Variants in SCN8A observed in about 807,000 individuals in gnomAD.
SCN8A encodes the protein sodium channel protein type 8 subunit alpha.
Under a neutral mutation model 184.1 loss-of-function variants are expected in SCN8A, and 30 were observed. The ratio of observed to expected loss-of-function variants is 0.16; its 90% CI spans 0.12 to 0.22. The LOEUF (loss-of-function observed/expected upper bound fraction) is 0.22. SCN8A is among the 10% of genes least tolerant of loss of function. The pLI, the probability that SCN8A is intolerant of heterozygous loss-of-function variation, is 1.00. For synonymous variants in SCN8A, 852 were observed against 907.0 expected (o/e 0.94, Z 1.09); for missense variants, 1,057 against 2,498.9 (o/e 0.42, Z 12.30).
chr12:51,722,014 C>A, intron 12 of SCN8A, 106 bp downstream of exon 12: 1 of 1,578,542 alleles, frequency 6.3e-7, no homozygotes, highest in South Asian at 1.1e-5. Flanking sequence ...TCTTTCCCTG[C>A]TCTGCCCATC....
chr12:51,733,826 A>C (rs1942281096), intron 12 of SCN8A, among the ~76,000 whole-genome samples: 1 of 152,160 alleles, frequency 6.6e-6, no homozygotes, highest in Non-Finnish European at 1.5e-5. Context: ...GAATTTATTC[A>C]CTTTCTCTAG....
chr12:51,616,608 CCAAA>C (rs556210320), intron 1 of SCN8A, among the ~76,000 whole-genome samples: 6 of 151,978 alleles, frequency 3.9e-5, no homozygotes, highest in Non-Finnish European at 7.4e-5. Flanking sequence ...GAAACTGTCT[CCAAA>C]CAAACAAACA....
At chr12:51,732,500 A>G (rs1036538557) in intron 12 of SCN8A, among the ~76,000 whole-genome samples, 1 of 152,028 alleles carries the variant, frequency 6.6e-6, no homozygotes, top group Non-Finnish European at 1.5e-5. Flanking sequence ...AAATCAAGTA[A>G]TGTGATTCCT....
In SCN8A at chr12:51,721,644, C is replaced by A. The variant is rs1942064223; in HGVS notation, c.1734C>A (p.Gly578=). The change falls in exon 12 of 27, where the codon GGC becomes GGA. Residue 578 remains glycine (G), a synonymous_variant. Coordinates refer to ENST00000627620, the MANE Select transcript of SCN8A (RefSeq NM_001330260.2). The part of the protein sequence containing the change: ...FRGPGRFRDP[G]SENEFADDEH... ...GACCTGGGCGGTTCCGAGACCCGGG[C>A]TCCGAGAATGAGTTCGCGGATGACG... 1 of 1,611,238 alleles carries A rather than the reference C, an allele frequency of 6.2e-7. No homozygotes were observed. Among genetic ancestry groups the A allele is most frequent in the Non-Finnish European group, 8.5e-7 (1 of 1,178,718 alleles).
At chr12:51,625,455 T>C (rs1592336824) in intron 1 of SCN8A, among the ~76,000 whole-genome samples, 2 of 152,366 alleles carry the variant, frequency 1.3e-5, no homozygotes, top group East Asian at 3.9e-4. Flanking sequence ...TGGATGCTTA[T>C]ACACAAAGCT....
chr12:51,600,316 G>C (rs1311008614), intron 1 of SCN8A, among the ~76,000 whole-genome samples: 1 of 152,030 alleles, frequency 6.6e-6, no homozygotes, highest in African/African-American at 2.4e-5. Flanking sequence ...TTATAGACTT[G>C]GTAAATGACT....
chr12:51,702,705 A>G (rs1941711641), intron 8 of SCN8A, 68 bp from the exon 9 acceptor site: 2 of 1,263,480 alleles, frequency 1.6e-6, no homozygotes, highest in African/African-American at 3.3e-5. Flanking sequence ...TATGTTATTT[A>G]TTATCTCCAA....
At position 51,807,110 on chromosome 12, in the gene SCN8A, C is replaced by T. The variant is rs376389439; in HGVS notation, c.5624C>T (p.Ala1875Val). The T allele has an allele frequency of 6.2e-7, 1 of 1,613,814 alleles. No individual in the cohort carries two copies. The highest frequency in any genetic ancestry group is 1.3e-5 in the African/African-American group (1 of 74,904). Reference protein sequence around the residue: ...LRQQMEERFVASNPSKVSYEP... With the variant: ...LRQQMEERFVVSNPSKVSYEP... The stretch of plus-strand genomic sequence containing the variant: ...CAGCAGATGGAAGAGCGGTTCGTGG[C>T]ATCCAATCCTTCCAAAGTGTCTTAC... The change falls in exon 27 of 27, where the codon GCA (alanine) becomes GTA (valine). Residue 1875 changes from alanine to valine, a missense_variant. Ala to Val is a moderately conservative substitution (Grantham distance 64). This residue lies in a region of SCN8A where 95 missense variants were observed against 140.2 expected (regional missense o/e 0.68). Coordinates refer to ENST00000627620, the MANE Select transcript of SCN8A (RefSeq NM_001330260.2). The surrounding 1 kb of genome is among the most constrained non-coding windows in gnomAD (Gnocchi z 4.5).
At chr12:51,764,289 T>A (rs1942804593) in intron 15 of SCN8A, among the ~76,000 whole-genome samples, 1 of 152,178 alleles carries the variant, frequency 6.6e-6, no homozygotes, top group East Asian at 1.9e-4. Context: ...CTAATGATGA[T>A]CTCATAATTA....
chr12:51,791,984 A>C (rs559298012), intron 25 of SCN8A, among the ~76,000 whole-genome samples: 1 of 152,380 alleles, frequency 6.6e-6, no homozygotes, highest in Admixed American at 6.5e-5. Context: ...TGTACCGTGC[A>C]CTAAGCATTA....
chr12:51,736,385 CAT>C (rs1458643957), intron 12 of SCN8A, among the ~76,000 whole-genome samples: 1 of 152,216 alleles, frequency 6.6e-6, no homozygotes, highest in African/African-American at 2.4e-5. Context: ...AACGAGGGAA[CAT>C]GTGTGGCATC....
At chr12:51,802,066 AACTC>A (rs1938570880) in intron 26 of SCN8A, among the ~76,000 whole-genome samples, 1 of 152,104 alleles carries the variant, frequency 6.6e-6, no homozygotes, top group South Asian at 2.1e-4. Context: ...AAAAAAAAGA[AACTC>A]AAGCAGTTCT....
At chr12:51,745,704 CT>C (rs948713123) in intron 12 of SCN8A, among the ~76,000 whole-genome samples, 198 bp from the exon 13 acceptor site, 1 of 152,154 alleles carries the variant, frequency 6.6e-6, no homozygotes, top group Non-Finnish European at 1.5e-5. Context: ...ACTTAAATGA[CT>C]TCATCTTATC....
chr12:51,712,354 A>T, intron 11 of SCN8A: 1 of 616,024 alleles, frequency 1.6e-6, no homozygotes, highest in Non-Finnish European at 2.9e-6. Context: ...GCAGATTTTT[A>T]CAGTTCCTCT....
In SCN8A at chr12:51,614,221, TC is replaced by T. The variant is rs575775248; in HGVS notation, c.-55+22864del. On this transcript the variant is annotated intron_variant, in intron 1 of 26. Coordinates refer to ENST00000627620, the MANE Select transcript of SCN8A (RefSeq NM_001330260.2). ...TATACTTGTGGATTTGTCCATTTTATCCTTAGTTTTGTTAGTTTTTATTTTG... is the reference window on the plus strand; with the variant it reads ...TATACTTGTGGATTTGTCCATTTTATCTTAGTTTTGTTAGTTTTTATTTTG... 1.1e-3 allele frequency among the ~76,000 whole-genome samples: 174 copies of T among 152,280 alleles called. 2 individuals carry two copies. Among genetic ancestry groups the T allele is most frequent in the Admixed American group, 1.6e-3 (24 of 15,302 alleles).
At chr12:51,611,524 T>C (rs899352427) in intron 1 of SCN8A, among the ~76,000 whole-genome samples, 17 of 152,148 alleles carry the variant, frequency 1.1e-4, no homozygotes, top group African/African-American at 4.1e-4. Flanking sequence ...TTAGATGGAG[T>C]TTCACTCTTG....
At chr12:51,688,014 A>G (rs1396086667) in intron 5 of SCN8A, among the ~76,000 whole-genome samples, 1 of 152,248 alleles carries the variant, frequency 6.6e-6, no homozygotes, top group Non-Finnish European at 1.5e-5. Flanking sequence ...ATGTATTTCA[A>G]CTGTAAAATG....
chr12:51,801,391 A>G (rs1041509904), intron 26 of SCN8A, among the ~76,000 whole-genome samples: 2 of 152,112 alleles, frequency 1.3e-5, no homozygotes, highest in African/African-American at 4.8e-5. Context: ...CTGTTTTGCA[A>G]GCTATTAAGG....
chr12:51,770,758 G>GC, intron 19 of SCN8A, 75 bp downstream of exon 19: 1 of 1,504,626 alleles, frequency 6.6e-7, no homozygotes, highest in Non-Finnish European at 9.1e-7. Context: ...AAAGGCTGAG[G>GC]CCAAAGCCCA....
Sources: gnomAD v4.1 joint callset for allele counts (sites outside exome capture counted in the v4.1 genomes callset) on GRCh38, gnomAD v4.1.1 for gene constraint, gnomAD v4.1.1 regional missense constraint, Gnocchi (gnomAD v3.1) non-coding constraint, MANE v1.5 for transcripts, NCBI Gene and HGNC (gene_info 2026-07-23, HGNC 2026-07-21) for gene names.